The following ABCC12 variants were observed in gnomAD, a reference collection of about 807,000 sequenced individuals.
ABCC12 encodes ATP-binding cassette sub-family C member 12.
ABCC12 carries 142 observed loss-of-function variants against 151.1 expected under a neutral mutation model. The ratio of observed to expected loss-of-function variants is 0.94; its 90% CI spans 0.82 to 1.08. The LOEUF is 1.08. Among genes scored for constraint, ABCC12 ranks in the 50% least tolerant of loss-of-function variants. The probability of loss-of-function intolerance (pLI) is 0.00; values close to 1 mark genes in which losing one functional copy is unlikely to be tolerated. For synonymous variants in ABCC12, 645 were observed against 646.4 expected (o/e 1.00, Z 0.03); for missense variants, 1,638 against 1,691.1 (o/e 0.97, Z 0.55).
chr16:48,107,111 TG>T (rs1430970446), intron 20 of ABCC12, among the ~76,000 whole-genome samples: 1 of 152,148 alleles, frequency 6.6e-6, no homozygotes, highest in Non-Finnish European at 1.5e-5. Context: ...AATCTGAAAG[TG>T]GTGTCTATAC....
At position 48,083,543 on chromosome 16, in the gene ABCC12, G is replaced by T. The variant is rs1327268829; in HGVS notation, c.*172C>A. Reference sequence around the variant, plus strand: ...AACCAACCCCAAGCCCACCAAGTGGGGTGACATGGACTGAGTATGGCAGTG... The same window carrying T: ...AACCAACCCCAAGCCCACCAAGTGGTGTGACATGGACTGAGTATGGCAGTG... On this transcript the variant is annotated 3_prime_UTR_variant, in exon 31 of 31. Coordinates refer to ENST00000311303, the MANE Select transcript of ABCC12 (RefSeq NM_001393797.1). The T allele has an allele frequency of 1.4e-6, 1 of 703,508 alleles. No homozygotes were observed. The highest frequency in any genetic ancestry group is 2.4e-6 in the Non-Finnish European group (1 of 420,638). 43.6% of individuals were successfully genotyped at this position (703,508 alleles called of 1,614,324 possible). A position where few individuals can be genotyped will look rare whatever the true frequency, so the allele number is the denominator to read the frequency against.
In ABCC12 at chr16:48,105,985, G is replaced by A. The variant is rs58234378; in HGVS notation, c.2476-649C>T. The stretch of plus-strand genomic sequence containing the variant: ...AGAATCTGTGGCTCCATCCTGCCCA[G>A]TGAAAACACACAATTTTGCCGGCAC... On this transcript the variant is annotated intron_variant, in intron 20 of 30. Coordinates refer to ENST00000311303, the MANE Select transcript of ABCC12 (RefSeq NM_001393797.1). Among the ~76,000 whole-genome samples, 336 of 152,318 alleles carry A rather than the reference G, an allele frequency of 2.2e-3. 2 individuals carry two copies. The highest frequency in any genetic ancestry group is 7.4e-3 in the African/African-American group (308 of 41,578).
At chr16:48,138,548 C>CA (rs1475801262) in intron 7 of ABCC12, among the ~76,000 whole-genome samples, 173 bp from the exon 8 acceptor site, 1 of 152,142 alleles carries the variant, frequency 6.6e-6, no homozygotes, top group Non-Finnish European at 1.5e-5. Flanking sequence ...TGAGGAACAC[C>CA]ATGGGGGGTC....
chr16:48,142,415 C>T (rs1326239679), intron 4 of ABCC12, among the ~76,000 whole-genome samples: 3 of 152,144 alleles, frequency 2.0e-5, no homozygotes, highest in Admixed American at 6.5e-5. Flanking sequence ...ATGGCAAAGG[C>T]AAGGATCTAA....
chr16:48,093,702 A>C (rs1156297730), intron 24 of ABCC12, among the ~76,000 whole-genome samples: 1 of 152,190 alleles, frequency 6.6e-6, no homozygotes, highest in Non-Finnish European at 1.5e-5. Context: ...TGAATGAATG[A>C]ACCCTGCCCT....
chr16:48,141,094 G>A (rs1251577321), intron 5 of ABCC12, 112 bp downstream of exon 5: 33 of 1,471,110 alleles, frequency 2.2e-5, no homozygotes, highest in South Asian at 9.5e-5. Context: ...CCCAAGGAGC[G>A]CAAAGATAAT....
intron 13 of ABCC12, among the ~76,000 whole-genome samples, chr16:48,120,952 G>A (rs975752970): frequency 2.6e-5 from 4 of 152,072 alleles, no homozygotes; most frequent in East Asian, 1.9e-4. Context: ...CGCAATTTTC[G>A]TGTTGAAAAC....
At chr16:48,093,548 C>T (rs1448953843) in intron 24 of ABCC12, among the ~76,000 whole-genome samples, 1 of 152,138 alleles carries the variant, frequency 6.6e-6, no homozygotes, top group Non-Finnish European at 1.5e-5. Context: ...ACCTTCTGAG[C>T]TTCTCATCTA....
rs779447094 is a variant in ABCC12, at chr16:48,086,802, AAGGGATCCAAGTTG to A, written c.3639_3652del (p.Asn1214Ter). On this transcript the variant is annotated frameshift_variant, in exon 28 of 31. Transcript: ENST00000311303. LOFTEE classifies it high-confidence loss of function. The stretch of plus-strand genomic sequence containing the variant: ...GAGCATCTCATCGGTGTGACTCTCA[AAGGGATCCAAGTTG>A]TACCTGCAATGAAGGAGAGGAGAGG... 141 of 1,613,738 alleles carry A rather than the reference AAGGGATCCAAGTTG, an allele frequency of 8.7e-5. No homozygotes were observed. The South Asian group carries it at 1.5e-3, about 17-fold the overall frequency.
chr16:48,118,397 A>G (rs1963962280), intron 13 of ABCC12, among the ~76,000 whole-genome samples: 1 of 152,210 alleles, frequency 6.6e-6, no homozygotes, highest in Non-Finnish European at 1.5e-5. Context: ...ACTCCTGCTC[A>G]GGATGCCTGC....
chr16:48,113,478 G>A (rs1281993433), intron 15 of ABCC12, among the ~76,000 whole-genome samples: 2 of 152,204 alleles, frequency 1.3e-5, no homozygotes, highest in Admixed American at 6.5e-5. Context: ...TCTGCAAGCC[G>A]TCACCAAATC....
chr16:48,087,906 C>A lies in ABCC12; in HGVS notation c.3635+20G>T, dbSNP rs1455851845. Reference sequence around the variant, plus strand: ...TTCACTCTCCAAAAATAGAAATGCACAATGATTAAAAACAGCTACCTTACT... The same window carrying A: ...TTCACTCTCCAAAAATAGAAATGCAAAATGATTAAAAACAGCTACCTTACT... On this transcript the variant is annotated intron_variant, in intron 27 of 30. Transcript: ENST00000311303. 2 of 1,601,518 alleles carry A rather than the reference C, an allele frequency of 1.2e-6. No homozygotes were observed. The highest frequency in any genetic ancestry group is 1.7e-6 in the Non-Finnish European group (2 of 1,171,386).
chr16:48,107,425 C>G lies in ABCC12; in HGVS notation c.2372G>C (p.Gly791Ala), dbSNP rs915084695. 1 of 1,613,906 alleles carries G rather than the reference C, an allele frequency of 6.2e-7. No homozygotes were observed. Among genetic ancestry groups the G allele is most frequent in the African/African-American group, 1.3e-5 (1 of 74,906 alleles). Residue 791 changes from glycine (G) to alanine (A), a missense_variant and splice_region_variant, in exon 20 of 31, where the codon GGG becomes GCG. Physicochemically the swap from Gly to Ala is moderately conservative, Grantham distance 60. Transcript: ENST00000311303. ...TYHTYIKASG[G>A]YLLSLFTVFL... is the part of the protein sequence containing the mutation. The stretch of plus-strand genomic sequence containing the variant: ...CACAGTGAAGAGAGAAAGGAGGTAC[C>G]CTGCAAGAGGAGCGGAGAGGCCCAA...
intron 2 of ABCC12, among the ~76,000 whole-genome samples, chr16:48,148,927 C>T (rs1432048689): frequency 6.6e-6 from 1 of 151,862 alleles, no homozygotes; most frequent in African/African-American, 2.4e-5. Context: ...GTCTTGTTTG[C>T]AGCTATATTT....
intron 9 of ABCC12, among the ~76,000 whole-genome samples, chr16:48,131,349 G>A (rs1017436412): frequency 3.3e-5 from 5 of 152,124 alleles, no homozygotes; most frequent in African/African-American, 7.2e-5. Context: ...GCATGCAGCC[G>A]GAGGCTCCCT....
chr16:48,117,184 G>C, intron 14 of ABCC12, 77 bp downstream of exon 14: 2 of 1,390,532 alleles, frequency 1.4e-6, no homozygotes, highest in Middle Eastern at 1.8e-4. Context: ...ACAGGGGCTT[G>C]CTGGCCTCAG....
chr16:48,147,776 T>C (rs1241896967), intron 2 of ABCC12, among the ~76,000 whole-genome samples: 1 of 152,188 alleles, frequency 6.6e-6, no homozygotes, highest in Non-Finnish European at 1.5e-5. Flanking sequence ...TGGAATAATA[T>C]ACGTACTTTT....
intron 13 of ABCC12, among the ~76,000 whole-genome samples, chr16:48,120,403 C>T (rs1699281638): frequency 6.6e-6 from 1 of 152,088 alleles, no homozygotes; most frequent in Non-Finnish European, 1.5e-5. Context: ...CAGTAGAAAC[C>T]CAAACCTCAG....
Position 48,146,375 on chromosome 16 carries a change from C to T in ABCC12, c.50G>A (p.Arg17Gln), listed in dbSNP as rs372957171. Reference protein sequence around the residue: ...YLISDLDQRGRRRSFAERYDP... With the variant: ...YLISDLDQRGQRRSFAERYDP... ...ATATCTTTCTGCAAAGGATCTCCGC[C>T]GGCCTCGCTGGTCCAGATCTGAGAT... Residue 17 changes from arginine (R) to glutamine (Q), a missense_variant, in exon 3 of 31, where the codon CGG becomes CAG. Arg to Gln is a conservative substitution (Grantham distance 43, BLOSUM62 1). Transcript: ENST00000311303. 2.4e-5 allele frequency: 39 copies of T among 1,614,040 alleles called. No homozygotes were observed. The highest frequency in any genetic ancestry group is 1.6e-4 in the Middle Eastern group (1 of 6,084).
Sources: allele counts gnomAD v4.1 joint callset (sites outside exome capture counted in the v4.1 genomes callset), GRCh38; gene constraint gnomAD v4.1.1; transcripts MANE v1.5; gene names NCBI Gene and HGNC (gene_info 2026-07-23, HGNC 2026-07-21).